PTPRD: variants seen among roughly 807,000 people sequenced by gnomAD.
PTPRD encodes protein tyrosine phosphatase receptor type D.
In PTPRD, 34 loss-of-function variants were observed where a neutral mutation model predicts 214.5. The observed-to-expected ratio is 0.16, with a 90% CI of 0.12 to 0.21. PTPRD has a LOEUF of 0.21. Ranked by LOEUF, PTPRD falls within the 10% of genes least tolerant of loss-of-function variation. PTPRD has a pLI of 1.00. For missense variants in PTPRD, 2,545 were observed against 2,398.7 expected (o/e 1.06, Z -1.27); for synonymous variants, 1,128 against 845.7 (o/e 1.33, Z -5.79).
intron 3 of PTPRD, among the ~76,000 whole-genome samples, chr9:10,256,371 C>T (rs2093277571): frequency 6.6e-6 from 1 of 150,728 alleles, no homozygotes; most frequent in Non-Finnish European, 1.5e-5. Context: ...GGAATAACTC[C>T]TGAGGGACCT....
chr9:10,271,041 T>C (rs1287735459), intron 3 of PTPRD, among the ~76,000 whole-genome samples: 3 of 152,016 alleles, frequency 2.0e-5, no homozygotes, highest in Non-Finnish European at 4.4e-5. Context: ...CCCAGGTTGG[T>C]CTTGAACTTC....
intron 14 of PTPRD, among the ~76,000 whole-genome samples, chr9:8,592,094 T>C (rs1354318689): frequency 6.6e-6 from 1 of 152,156 alleles, no homozygotes; most frequent in Non-Finnish European, 1.5e-5. Context: ...AACATGGAAA[T>C]TTAAATTTTA....
At chr9:8,645,312 C>A (rs1325743578) in intron 12 of PTPRD, among the ~76,000 whole-genome samples, 1 of 152,158 alleles carries the variant, frequency 6.6e-6, no homozygotes, top group African/African-American at 2.4e-5. Context: ...TCAGAAAATT[C>A]ATAAACAAAT....
intron 10 of PTPRD, among the ~76,000 whole-genome samples, chr9:9,129,768 C>T (rs2099839761): frequency 6.6e-6 from 1 of 152,118 alleles, no homozygotes; most frequent in Admixed American, 6.5e-5. Flanking sequence ...ATCCCACATA[C>T]ATATTGACAT....
intron 9 of PTPRD, among the ~76,000 whole-genome samples, chr9:9,188,575 G>C (rs2099933124): frequency 6.6e-6 from 1 of 152,026 alleles, no homozygotes; most frequent in Non-Finnish European, 1.5e-5. Context: ...AGAGGAGAGA[G>C]GGAGTGAAGG....
intron 9 of PTPRD, among the ~76,000 whole-genome samples, chr9:9,333,437 C>A (rs1221379120): frequency 6.7e-6 from 1 of 148,286 alleles, no homozygotes; most frequent in Admixed American, 6.7e-5. Flanking sequence ...GCATTGGGCT[C>A]TCTATATGGG....
intron 2 of PTPRD, among the ~76,000 whole-genome samples, chr9:10,577,619 G>A (rs991176618): frequency 3.3e-5 from 5 of 152,118 alleles, no homozygotes; most frequent in African/African-American, 1.2e-4. Context: ...ATTGTTTTAT[G>A]CAACTGTCTG....
At chr9:9,439,984 C>G (rs2086880164) in intron 8 of PTPRD, among the ~76,000 whole-genome samples, 1 of 152,146 alleles carries the variant, frequency 6.6e-6, no homozygotes, top group Non-Finnish European at 1.5e-5. Flanking sequence ...ATAGTAAAGT[C>G]ACTACAAGTC....
intron 11 of PTPRD, among the ~76,000 whole-genome samples, chr9:8,750,245 T>C (rs1703440829): frequency 6.6e-6 from 1 of 151,670 alleles, no homozygotes; most frequent in Non-Finnish European, 1.5e-5. Context: ...GCAACCTCTG[T>C]CTCCCAGGTT....
At chr9:9,930,118 T>A (rs770376838) in intron 5 of PTPRD, among the ~76,000 whole-genome samples, 23 of 151,894 alleles carry the variant, frequency 1.5e-4, no homozygotes, top group Non-Finnish European at 3.1e-4. Context: ...GCTCCAGGAG[T>A]ATCTACCTGA....
intron 3 of PTPRD, among the ~76,000 whole-genome samples, chr9:10,086,900 T>C (rs2098348221): frequency 6.6e-6 from 1 of 151,818 alleles, no homozygotes; most frequent in African/African-American, 2.4e-5. Context: ...TACAATTTAA[T>C]GAATTAATAC....
At chr9:9,115,845 T>C (rs1246543185) in intron 10 of PTPRD, among the ~76,000 whole-genome samples, 1 of 152,116 alleles carries the variant, frequency 6.6e-6, no homozygotes, top group African/African-American at 2.4e-5. Context: ...AATAGTGGAT[T>C]TGATATAGAA....
In PTPRD at chr9:8,957,174, A is replaced by G. The variant is rs537823567; in HGVS notation, c.-104+61523T>C. Reference sequence around the variant, plus strand: ...CTCCTGGCTAGGTTTCATCACACACAGGGATTTTCCTTTCATATAACTTTC... The same window carrying G: ...CTCCTGGCTAGGTTTCATCACACACGGGGATTTTCCTTTCATATAACTTTC... On this transcript the variant is annotated intron_variant, in intron 11 of 45. Transcript: ENST00000381196. 3.2e-3 allele frequency among the ~76,000 whole-genome samples: 493 copies of G among 151,936 alleles called. 6 individuals carry two copies. Among genetic ancestry groups the G allele is most frequent in the African/African-American group, 9.2e-3 (380 of 41,530 alleles).
At chr9:10,370,796 C>G (rs549301534) in intron 2 of PTPRD, among the ~76,000 whole-genome samples, 2 of 151,948 alleles carry the variant, frequency 1.3e-5, no homozygotes, top group East Asian at 3.9e-4. Flanking sequence ...CATTTCCTAC[C>G]TAATGCTGTC....
intron 5 of PTPRD, among the ~76,000 whole-genome samples, chr9:9,863,414 T>C (rs952407865): frequency 3.3e-5 from 5 of 152,160 alleles, no homozygotes; most frequent in African/African-American, 9.7e-5. Context: ...GTGAGCATGT[T>C]TGGGGGCAAG....
At chr9:9,508,486 C>G (rs550595197) in intron 8 of PTPRD, among the ~76,000 whole-genome samples, 5 of 151,776 alleles carry the variant, frequency 3.3e-5, no homozygotes, top group African/African-American at 1.2e-4. Flanking sequence ...CTTAGAATAG[C>G]TTTTTCTCCA....
At chr9:8,889,704 C>T (rs1566848889) in intron 11 of PTPRD, among the ~76,000 whole-genome samples, 1 of 141,188 alleles carries the variant, frequency 7.1e-6, no homozygotes, top group South Asian at 2.3e-4. Context: ...AAAGTGAGAA[C>T]ATAAGATATT....
chr9:8,986,033 AAACT>A (rs1175849528), intron 11 of PTPRD, among the ~76,000 whole-genome samples: 3 of 152,108 alleles, frequency 2.0e-5, no homozygotes, highest in Non-Finnish European at 4.4e-5. Flanking sequence ...TTAAATTATA[AAACT>A]AACTTTTTGA....
At position 10,497,434 on chromosome 9, in the gene PTPRD, T is replaced by G. The variant is rs137885447; in HGVS notation, c.-600+114964A>C. On this transcript the variant is annotated intron_variant, in intron 2 of 45. Coordinates refer to ENST00000381196, the MANE Select transcript of PTPRD (RefSeq NM_002839.4). ...CCATGTACTCTCAGCCTTTAATACA[T>G]TGTTTGGTACACAGTTCATGCTCAA... is the stretch of plus-strand genomic sequence containing the variant. Among the ~76,000 whole-genome samples, 3 of 152,152 alleles carry G rather than the reference T, an allele frequency of 2.0e-5. No homozygotes were observed. In the East Asian group the frequency reaches 5.8e-4, roughly 29 times the overall value.
Sources: gnomAD v4.1 joint callset for allele counts (sites outside exome capture counted in the v4.1 genomes callset) on GRCh38, gnomAD v4.1.1 for gene constraint, MANE v1.5 for transcripts, NCBI Gene and HGNC (gene_info 2026-07-23, HGNC 2026-07-21) for gene names.